CTNNA3: variants seen among roughly 807,000 people sequenced by gnomAD.
The protein encoded by CTNNA3 is catenin alpha 3.
In CTNNA3, 76 loss-of-function variants were observed where a neutral mutation model predicts 95.7. The observed-to-expected ratio is 0.79, with a 90% CI of 0.66 to 0.96. The LOEUF is 0.96. Among genes scored for constraint, CTNNA3 ranks in the 40% least tolerant of loss-of-function variants. CTNNA3 has a pLI of 0.00. For synonymous variants in CTNNA3, 431 were observed against 374.4 expected (o/e 1.15, Z -1.74); for missense variants, 1,191 against 1,089.8 (o/e 1.09, Z -1.31).
chr10:67,720,129 C>CTTTGTTTTTTTTTTTTTTTTTTT (rs1841170827), intron 1 of CTNNA3, among the ~76,000 whole-genome samples: 1 of 6,614 alleles, frequency 1.5e-4, no homozygotes, highest in Non-Finnish European at 3.6e-4. Flanking sequence ...GCAACCCCTG[C>CTTTGTTTTTTTTTTTTTTTTTTT]TTTTTTTTTT....
chr10:66,470,991 A>T (rs1839109301), intron 11 of CTNNA3, among the ~76,000 whole-genome samples: 1 of 151,878 alleles, frequency 6.6e-6, no homozygotes, highest in African/African-American at 2.4e-5. Flanking sequence ...TTATTCTTCC[A>T]TCTGAAAATT....
chr10:66,162,377 T>C (rs1379907213), intron 13 of CTNNA3, among the ~76,000 whole-genome samples: 1 of 152,122 alleles, frequency 6.6e-6, no homozygotes, highest in African/African-American at 2.4e-5. Context: ...ATTGACCAGA[T>C]TCTTTTGTCC....
chr10:65,972,347 C>T (rs1299203726), intron 16 of CTNNA3, among the ~76,000 whole-genome samples: 1 of 151,948 alleles, frequency 6.6e-6, no homozygotes, highest in Non-Finnish European at 1.5e-5. Context: ...AGCAATCAGG[C>T]AAAATAAATA....
intron 7 of CTNNA3, among the ~76,000 whole-genome samples, chr10:66,974,653 T>A (rs1401281495): frequency 1.3e-5 from 2 of 152,204 alleles, no homozygotes; most frequent in Non-Finnish European, 2.9e-5. Flanking sequence ...TTGGTTCATA[T>A]CATCTACTAA....
At chr10:67,054,078 C>A (rs113294260) in intron 7 of CTNNA3, among the ~76,000 whole-genome samples, 2 of 152,146 alleles carry the variant, frequency 1.3e-5, no homozygotes, top group East Asian at 3.9e-4. Flanking sequence ...TAGTATTTAC[C>A]GTTTCAAAAG....
intron 7 of CTNNA3, among the ~76,000 whole-genome samples, chr10:66,891,670 C>T (rs1179364068): frequency 6.6e-6 from 1 of 151,894 alleles, no homozygotes; most frequent in African/African-American, 2.4e-5. Flanking sequence ...ACAGTGAAAG[C>T]AAGAAAGAAA....
intron 9 of CTNNA3, among the ~76,000 whole-genome samples, chr10:66,723,788 C>A (rs1848701045): frequency 6.6e-6 from 1 of 152,072 alleles, no homozygotes; most frequent in African/African-American, 2.4e-5. Context: ...TGAGAACAAG[C>A]CAAGAAAGGA....
intron 7 of CTNNA3, among the ~76,000 whole-genome samples, chr10:67,117,620 T>C (rs1859248732): frequency 6.6e-6 from 1 of 152,052 alleles, no homozygotes; most frequent in Non-Finnish European, 1.5e-5. Context: ...TGAAATTTTT[T>C]TAAAAAATGA....
rs1199163017 is a variant in CTNNA3 at position 66,854,155 on chromosome 10, T to A, written c.1048-78631A>T. On this transcript the variant is annotated intron_variant, in intron 7 of 17. Coordinates refer to ENST00000433211, the MANE Select transcript of CTNNA3 (RefSeq NM_013266.4). Reference sequence around the variant, plus strand: ...AATCAAACCATCCATAAAATCCCTTTAAAAAGTTGACACATTTAGGGATCA... The same window carrying A: ...AATCAAACCATCCATAAAATCCCTTAAAAAAGTTGACACATTTAGGGATCA... Among the ~76,000 whole-genome samples, 3 of 152,006 alleles carry A rather than the reference T, an allele frequency of 2.0e-5. No individual in the cohort carries two copies. The East Asian group carries it at 5.8e-4, about 29-fold the overall frequency.
intron 9 of CTNNA3, among the ~76,000 whole-genome samples, chr10:66,722,357 G>A (rs553110681): frequency 2.1e-5 from 3 of 145,870 alleles, no homozygotes; most frequent in Admixed American, 7.0e-5. Context: ...CAGACTGGAC[G>A]ACAGAGCGAG....
chr10:65,936,444 TCC>T (rs2077340248), intron 17 of CTNNA3, among the ~76,000 whole-genome samples: 1 of 152,080 alleles, frequency 6.6e-6, no homozygotes, highest in South Asian at 2.1e-4. Context: ...TGTCTTGAAG[TCC>T]CTATTACTCT....
At chr10:66,306,781 TA>T (rs2091940663) in intron 12 of CTNNA3, among the ~76,000 whole-genome samples, 1 of 152,140 alleles carries the variant, frequency 6.6e-6, no homozygotes, top group African/African-American at 2.4e-5. Context: ...AAAAAAGAAT[TA>T]AAGACTGGTT....
At chr10:65,935,240 T>C (rs143466068) in intron 17 of CTNNA3, among the ~76,000 whole-genome samples, 1 of 152,292 alleles carries the variant, frequency 6.6e-6, no homozygotes, top group East Asian at 1.9e-4. Context: ...GAATAAAGAA[T>C]TTGTTTTGCA....
chr10:67,435,120 T>C (rs1846256621), intron 5 of CTNNA3, among the ~76,000 whole-genome samples: 1 of 152,048 alleles, frequency 6.6e-6, no homozygotes, highest in Non-Finnish European at 1.5e-5. Context: ...CTCATTGCCT[T>C]TTATTTGTAA....
At chr10:66,452,988 G>C (rs967888527) in intron 11 of CTNNA3, among the ~76,000 whole-genome samples, 1 of 152,096 alleles carries the variant, frequency 6.6e-6, no homozygotes, top group African/African-American at 2.4e-5. Context: ...GGCTGAGGCA[G>C]GCGGATCACG....
intron 14 of CTNNA3, among the ~76,000 whole-genome samples, chr10:66,093,803 G>A (rs1367624689): frequency 6.6e-6 from 1 of 151,922 alleles, no homozygotes; most frequent in Non-Finnish European, 1.5e-5. Context: ...AATACCCTAG[G>A]CTCAATATAT....
intron 6 of CTNNA3, among the ~76,000 whole-genome samples, chr10:67,184,118 A>G (rs907728774): frequency 7.2e-5 from 11 of 152,288 alleles, no homozygotes; most frequent in African/African-American, 2.2e-4. Flanking sequence ...TTTCCTAAGC[A>G]TTTTTCTGCT....
intron 7 of CTNNA3, among the ~76,000 whole-genome samples, chr10:67,072,054 G>T (rs2764815): frequency 0.51 from 77,300 of 152,068 alleles, 19,989 homozygotes; most frequent in Middle Eastern, 0.64. Context: ...CCAGGTTCAC[G>T]TGATTCTCAT....
At chr10:66,548,082 C>A (rs532415157) in intron 10 of CTNNA3, among the ~76,000 whole-genome samples, 1 of 151,930 alleles carries the variant, frequency 6.6e-6, no homozygotes, top group East Asian at 1.9e-4. Context: ...TGTCCGGCTC[C>A]CATTTTGTAT....
Sources: allele counts gnomAD v4.1 joint callset (sites outside exome capture counted in the v4.1 genomes callset), GRCh38; gene constraint gnomAD v4.1.1; transcripts MANE v1.5; gene names NCBI Gene and HGNC (gene_info 2026-07-23, HGNC 2026-07-21).